The following SYN3 variants were observed in gnomAD, a reference collection of about 807,000 sequenced individuals.
The protein encoded by SYN3 is synapsin III.
In SYN3, 35 loss-of-function variants were observed where a neutral mutation model predicts 65.8. That is an observed-to-expected ratio of 0.53 (90% CI 0.41 to 0.70). The LOEUF is 0.70. Among genes scored for constraint, SYN3 ranks in the 30% least tolerant of loss-of-function variants. The pLI, the probability that SYN3 is intolerant of heterozygous loss-of-function variation, is 0.00. For synonymous variants in SYN3, 270 were observed against 292.9 expected (o/e 0.92, Z 0.80); for missense variants, 680 against 749.0 (o/e 0.91, Z 1.08).
intron 6 of SYN3, among the ~76,000 whole-genome samples, chr22:32,749,246 T>C (rs1268095480): frequency 6.6e-6 from 1 of 151,814 alleles, no homozygotes; most frequent in Non-Finnish European, 1.5e-5. Flanking sequence ...TACAAAGGCA[T>C]TAATCCCATT....
intron 6 of SYN3, among the ~76,000 whole-genome samples, chr22:32,688,612 C>A (rs903028554): frequency 6.6e-6 from 1 of 152,076 alleles, no homozygotes; most frequent in African/African-American, 2.4e-5. Context: ...TGGATGGTAG[C>A]CCATGCTTCA....
intron 9 of SYN3, among the ~76,000 whole-genome samples, chr22:32,534,425 C>T (rs1324934759): frequency 6.6e-6 from 1 of 150,804 alleles, no homozygotes; most frequent in Admixed American, 6.6e-5. Flanking sequence ...GCATTTTTCC[C>T]AGGGCCCGGG....
At chr22:33,021,615 C>T (rs1217278435) in intron 1 of SYN3, among the ~76,000 whole-genome samples, 2 of 152,226 alleles carry the variant, frequency 1.3e-5, no homozygotes, top group African/African-American at 2.4e-5. Flanking sequence ...CTGGAACTCT[C>T]TGTCTACAGA....
intron 6 of SYN3, among the ~76,000 whole-genome samples, chr22:32,710,632 C>CAAAAA (rs57427060): frequency 4.0e-5 from 3 of 74,978 alleles, no homozygotes; most frequent in Non-Finnish European, 7.3e-5. Flanking sequence ...GACTCTGTCT[C>CAAAAA]AAAAAAAAAA....
intron 6 of SYN3, among the ~76,000 whole-genome samples, chr22:32,670,205 A>T (rs753851274): frequency 3.3e-5 from 5 of 152,184 alleles, no homozygotes; most frequent in Non-Finnish European, 7.3e-5. Flanking sequence ...CCCCTAACTT[A>T]TACGCTTCTA....
chr22:33,019,336 C>T (rs144520150), intron 1 of SYN3, among the ~76,000 whole-genome samples: 1 of 152,252 alleles, frequency 6.6e-6, no homozygotes, highest in African/African-American at 2.4e-5. Flanking sequence ...TCCTTCACTG[C>T]CTGGATACCT....
At chr22:32,941,111 T>C (rs2050923861) in intron 3 of SYN3, among the ~76,000 whole-genome samples, 2 of 151,434 alleles carry the variant, frequency 1.3e-5, no homozygotes, top group Non-Finnish European at 1.5e-5. Flanking sequence ...TCTTAAAGGT[T>C]AAAAAAAAAG....
At chr22:32,805,895 A>T (rs1472102616) in intron 6 of SYN3, among the ~76,000 whole-genome samples, 1 of 152,054 alleles carries the variant, frequency 6.6e-6, no homozygotes, top group Non-Finnish European at 1.5e-5. Flanking sequence ...ATATGAAGAT[A>T]GCCAAAATGG....
intron 6 of SYN3, chr22:32,864,561 C>T (rs2048636014): frequency 1.2e-5 from 2 of 171,774 alleles, no homozygotes; most frequent in Admixed American, 1.2e-4. Flanking sequence ...AATCAGGTTC[C>T]ACAAAAGGCT....
At chr22:32,603,888 G>A (rs2059324753) in intron 6 of SYN3, among the ~76,000 whole-genome samples, 2 of 152,236 alleles carry the variant, frequency 1.3e-5, no homozygotes, top group Admixed American at 6.5e-5. Context: ...TAAGAGGCCT[G>A]ACATCCTGTC....
intron 6 of SYN3, among the ~76,000 whole-genome samples, chr22:32,753,216 A>G (rs2045188543): frequency 6.6e-6 from 1 of 152,172 alleles, no homozygotes; most frequent in South Asian, 2.1e-4. Flanking sequence ...GTCAGGTTGT[A>G]TGAAAGGTCA....
intron 9 of SYN3, 119 bp from the exon 10 acceptor site, chr22:32,534,014 G>T: frequency 1.6e-6 from 1 of 641,980 alleles, no homozygotes. Flanking sequence ...CACACATCCA[G>T]ACGGCGATGG....
At chr22:33,031,783 C>A (rs923922620) in intron 1 of SYN3, among the ~76,000 whole-genome samples, 1 of 152,274 alleles carries the variant, frequency 6.6e-6, no homozygotes, top group South Asian at 2.1e-4. Context: ...TGCATCCTTT[C>A]TTGGCCAAGA....
intron 6 of SYN3, among the ~76,000 whole-genome samples, chr22:32,767,802 C>A (rs1342059157): frequency 2.0e-5 from 3 of 152,178 alleles, no homozygotes; most frequent in Admixed American, 2.0e-4. Context: ...TATCATTCAT[C>A]TTTCTAGGAC....
intron 6 of SYN3, among the ~76,000 whole-genome samples, chr22:32,771,632 CCAAATACATCTACAT>C (rs2045772947): frequency 6.6e-6 from 1 of 152,186 alleles, no homozygotes; most frequent in African/African-American, 2.4e-5. Context: ...ACACTGATGC[CCAAATACATCTACAT>C]CATATTCGGT....
chr22:32,692,707 G>A (rs2060682006), intron 6 of SYN3, among the ~76,000 whole-genome samples: 1 of 152,098 alleles, frequency 6.6e-6, no homozygotes. Flanking sequence ...AGCTTCCTCA[G>A]GCATAATTAG....
intron 7 of SYN3, among the ~76,000 whole-genome samples, chr22:32,573,785 T>G (rs1188954954): frequency 3.3e-5 from 4 of 121,544 alleles, no homozygotes; most frequent in East Asian, 2.3e-4. Context: ...TTTTTTTTTT[T>G]GGGAGACAGA....
intron 7 of SYN3, among the ~76,000 whole-genome samples, chr22:32,595,872 T>A (rs1198689922): frequency 1.3e-5 from 2 of 151,830 alleles, no homozygotes; most frequent in African/African-American, 4.8e-5. Context: ...AGGTCAGGAG[T>A]TTGAGACCAG....
At chr22:33,026,322 GA>G (rs1374323989) in intron 1 of SYN3, among the ~76,000 whole-genome samples, 2 of 152,094 alleles carry the variant, frequency 1.3e-5, no homozygotes, top group African/African-American at 4.8e-5. Context: ...CATTTTCTGG[GA>G]AAATTCTGAT....
Sources: gnomAD v4.1 joint callset for allele counts (sites outside exome capture counted in the v4.1 genomes callset) on GRCh38, gnomAD v4.1.1 for gene constraint, MANE v1.5 for transcripts, NCBI Gene and HGNC (gene_info 2026-07-23, HGNC 2026-07-21) for gene names.